CTNNA3: variants seen among roughly 807,000 people sequenced by gnomAD.
CTNNA3 encodes catenin alpha-3.
CTNNA3 carries 76 observed loss-of-function variants against 95.7 expected under a neutral mutation model. The observed-to-expected ratio is 0.79, with a 90% CI of 0.66 to 0.96. The LOEUF (loss-of-function observed/expected upper bound fraction) is 0.96, where lower values mean the gene tolerates loss of function less well. CTNNA3 is among the 40% of genes least tolerant of loss of function. The pLI, the probability that CTNNA3 is intolerant of heterozygous loss-of-function variation, is 0.00. For missense variants in CTNNA3, 1,191 were observed against 1,089.8 expected (o/e 1.09, Z -1.31); for synonymous variants, 431 against 374.4 (o/e 1.15, Z -1.74).
Position 66,360,816 on chromosome 10 carries a change from CCTTTCTTTCTTTCTTTCTTT to C in CTNNA3, c.1732+18316_1732+18335del, listed in dbSNP as rs758092288. On this transcript the variant is annotated intron_variant, in intron 12 of 17. Transcript: ENST00000433211. ...TCCTTCCTTCCTTCCTTCCTTCCTT[CCTTTCTTTCTTTCTTTCTTT>C]CTTTCTTTCTTTCTTTCTTTCCTTT... Among the ~76,000 whole-genome samples the C allele has an allele frequency of 4.3e-3, 216 of 50,268 alleles. 14 individuals are homozygous for C. Among genetic ancestry groups the C allele is most frequent in the South Asian group, 0.011 (10 of 952 alleles). 33.0% of individuals were successfully genotyped at this position (50,268 alleles called of 152,430 possible).
At chr10:66,416,779 C>A (rs538913541) in intron 11 of CTNNA3, among the ~76,000 whole-genome samples, 85 of 151,994 alleles carry the variant, frequency 5.6e-4, no homozygotes, top group Non-Finnish European at 1.1e-3. Context: ...AATTCATCAC[C>A]ACTAGACTGA....
chr10:67,727,304 T>TTATATATGATATATTATATATATATATA, intron 1 of CTNNA3, among the ~76,000 whole-genome samples: 1 of 133,040 alleles, frequency 7.5e-6, no homozygotes, highest in Admixed American at 8.7e-5. Flanking sequence ...TTTATATATA[T>TTATATATGATATATTATATATATATATA]TATATATGAT....
intron 6 of CTNNA3, among the ~76,000 whole-genome samples, chr10:67,216,255 G>A (rs542486738): frequency 4.6e-5 from 7 of 152,102 alleles, no homozygotes; most frequent in Non-Finnish European, 8.8e-5. Flanking sequence ...CTCTGACTAA[G>A]GCTGGACAGC....
chr10:66,994,580 A>T (rs1480192028), intron 7 of CTNNA3, among the ~76,000 whole-genome samples: 2 of 152,208 alleles, frequency 1.3e-5, no homozygotes, highest in Non-Finnish European at 1.5e-5. Flanking sequence ...AGTACCAAGG[A>T]TACCTAAAGT....
chr10:67,120,301 T>C (rs1859395379), intron 7 of CTNNA3, among the ~76,000 whole-genome samples: 1 of 151,962 alleles, frequency 6.6e-6, no homozygotes, highest in South Asian at 2.1e-4. Context: ...TATCACTTTA[T>C]ACTACGAGGG....
At chr10:66,225,903 C>G (rs973626700) in intron 13 of CTNNA3, among the ~76,000 whole-genome samples, 2 of 151,998 alleles carry the variant, frequency 1.3e-5, no homozygotes, top group East Asian at 3.9e-4. Flanking sequence ...ATATTTTGCT[C>G]ATTTTAAAAA....
chr10:66,248,636 A>G (rs898651802), intron 13 of CTNNA3, among the ~76,000 whole-genome samples: 8 of 152,204 alleles, frequency 5.3e-5, no homozygotes, highest in African/African-American at 1.9e-4. Flanking sequence ...GAAAACTGTA[A>G]GAAGAAACAA....
intron 7 of CTNNA3, among the ~76,000 whole-genome samples, chr10:66,850,993 T>C (rs571393880): frequency 2.4e-4 from 37 of 152,268 alleles, no homozygotes; most frequent in Admixed American, 7.2e-4. Flanking sequence ...TACCCTGTTT[T>C]CATCATCACC....
chr10:67,287,957 C>T (rs1331787643), intron 5 of CTNNA3, among the ~76,000 whole-genome samples: 1 of 152,040 alleles, frequency 6.6e-6, no homozygotes, highest in Non-Finnish European at 1.5e-5. Flanking sequence ...TCAATTTAGC[C>T]CCTTCTCTAA....
At chr10:66,765,436 C>A (rs4275514) in intron 9 of CTNNA3, among the ~76,000 whole-genome samples, 129,281 of 152,074 alleles carry the variant, frequency 0.85, 55,249 homozygotes, top group East Asian at 1. Context: ...AGACACCAGC[C>A]ATGAACAACT....
chr10:65,989,910 C>T (rs895857921), intron 15 of CTNNA3, among the ~76,000 whole-genome samples: 1 of 152,162 alleles, frequency 6.6e-6, no homozygotes, highest in Admixed American at 6.5e-5. Flanking sequence ...TATGATTCTA[C>T]TTTCCACCTC....
chr10:66,303,038 A>G (rs1008181606), intron 12 of CTNNA3, among the ~76,000 whole-genome samples: 1 of 152,188 alleles, frequency 6.6e-6, no homozygotes, highest in Non-Finnish European at 1.5e-5. Context: ...TCAAACTAGG[A>G]ATAAAAGGGA....
chr10:67,353,231 A>T (rs1842698797), intron 5 of CTNNA3, among the ~76,000 whole-genome samples: 1 of 151,928 alleles, frequency 6.6e-6, no homozygotes, highest in South Asian at 2.1e-4. Context: ...ACTGATTCTC[A>T]ATCCCACTGC....
intron 9 of CTNNA3, among the ~76,000 whole-genome samples, chr10:66,719,416 A>G (rs1409513082): frequency 6.6e-6 from 1 of 152,178 alleles, no homozygotes; most frequent in Non-Finnish European, 1.5e-5. Flanking sequence ...TGTGTTCTAC[A>G]TTTTAGGAGC....
chr10:66,133,473 A>G (rs2083214450), intron 13 of CTNNA3, among the ~76,000 whole-genome samples: 2 of 151,904 alleles, frequency 1.3e-5, no homozygotes, highest in Non-Finnish European at 2.9e-5. Context: ...AGATCACGCC[A>G]TTGCACTACA....
intron 9 of CTNNA3, among the ~76,000 whole-genome samples, chr10:66,653,201 T>C (rs1845969546): frequency 6.6e-6 from 1 of 152,064 alleles, no homozygotes; most frequent in East Asian, 1.9e-4. Flanking sequence ...TCACATGATC[T>C]TATAAATAGA....
chr10:67,348,717 T>A (rs894888704), intron 5 of CTNNA3, among the ~76,000 whole-genome samples: 37 of 152,124 alleles, frequency 2.4e-4, no homozygotes, highest in African/African-American at 8.7e-4. Context: ...ATAAGGGATC[T>A]TTCCCCATGA....
Position 65,977,518 on chromosome 10 carries a change from C to T in CTNNA3, c.2266-10772G>A, listed in dbSNP as rs191892846. ...TTTTGCAGCCAGGTGCGGTGGCTCA[C>T]GCCTATAATCCCAGCATTTTGGGAG... is the stretch of plus-strand genomic sequence containing the variant. On this transcript the variant is annotated intron_variant, in intron 16 of 17. Coordinates refer to ENST00000433211, the MANE Select transcript of CTNNA3 (RefSeq NM_013266.4). Among the ~76,000 whole-genome samples the T allele has an allele frequency of 7.0e-3, 1,061 of 152,172 alleles. 3 individuals are homozygous for T. Among genetic ancestry groups the T allele is most frequent in the Non-Finnish European group, 0.01 (697 of 68,004 alleles).
chr10:67,118,843 T>C (rs995835604), intron 7 of CTNNA3, among the ~76,000 whole-genome samples: 3 of 151,876 alleles, frequency 2.0e-5, no homozygotes, highest in Non-Finnish European at 4.4e-5. Context: ...TTGAAATATA[T>C]GAAAATTAAT....
Sources: allele counts gnomAD v4.1 joint callset (sites outside exome capture counted in the v4.1 genomes callset), GRCh38; gene constraint gnomAD v4.1.1; transcripts MANE v1.5; gene names NCBI Gene and HGNC (gene_info 2026-07-23, HGNC 2026-07-21).